CASZ1: variants seen among roughly 807,000 people sequenced by gnomAD.
CASZ1 encodes zinc finger protein castor homolog 1.
In CASZ1, 28 loss-of-function variants were observed where a neutral mutation model predicts 135.2. The observed-to-expected ratio is 0.21, with a 90% CI of 0.15 to 0.28. The LOEUF (loss-of-function observed/expected upper bound fraction) is 0.28, where lower values mean the gene tolerates loss of function less well. Among genes scored for constraint, CASZ1 ranks in the 10% least tolerant of loss-of-function variants. The pLI is 1.00. For missense variants in CASZ1, 2,161 were observed against 2,453.3 expected (o/e 0.88, Z 2.52); for synonymous variants, 1,068 against 1,073.4 (o/e 0.99, Z 0.10).
chr1:10,749,472 C>T (rs888723468), intron 2 of CASZ1, among the ~76,000 whole-genome samples: 1 of 152,172 alleles, frequency 6.6e-6, no homozygotes, highest in Admixed American at 6.5e-5. Flanking sequence ...TGGTCTCGAT[C>T]TCCTGATCTT....
At chr1:10,648,269 A>G (rs1642439335) in intron 15 of CASZ1, 130 bp from the exon 16 acceptor site, 1 of 681,358 alleles carries the variant, frequency 1.5e-6, no homozygotes, top group South Asian at 2.0e-5. Context: ...CAGCTCCAGA[A>G]GTCCCCTGTG....
chr1:10,736,292 C>T (rs565254496), intron 2 of CASZ1, among the ~76,000 whole-genome samples: 48 of 152,328 alleles, frequency 3.2e-4, no homozygotes, highest in African/African-American at 1.1e-3. Context: ...AGAACACACA[C>T]GTAACTCTGG....
intron 1 of CASZ1, among the ~76,000 whole-genome samples, chr1:10,784,615 G>A (rs975687006): frequency 1.3e-5 from 2 of 152,110 alleles, no homozygotes; most frequent in African/African-American, 2.4e-5. Context: ...CCAGGCTGGA[G>A]TGCAGTGGTA....
In CASZ1 at chr1:10,739,102, G is replaced by A. The variant is rs912456940; in HGVS notation, c.-77+21599C>T. On this transcript the variant is annotated intron_variant, in intron 2 of 20. Coordinates refer to ENST00000377022, the MANE Select transcript of CASZ1 (RefSeq NM_001079843.3). This position sits in a 1 kb window ranked among gnomAD's most constrained non-coding sequence, Gnocchi z 4.8. ...TTAAAATTTTGCTGGGGGTCCGGGG[G>A]AAGAAGGAAAAAAAGCAACAACAAT... Among the ~76,000 whole-genome samples the A allele has an allele frequency of 6.6e-6, 1 of 151,842 alleles. No homozygotes were observed. Among genetic ancestry groups the A allele is most frequent in the Non-Finnish European group, 1.5e-5 (1 of 67,962 alleles).
rs969436337 is a variant in CASZ1 at position 10,636,893 on chromosome 1, CAT to C, written c.*2047_*2048del. 38 of 151,968 alleles carry C rather than the reference CAT, an allele frequency of 2.5e-4. No individual in the cohort carries two copies. Among genetic ancestry groups the C allele is most frequent in the African/African-American group, 8.7e-4 (36 of 41,414 alleles). 9.4% of individuals were successfully genotyped at this position (151,968 alleles called of 1,614,324 possible). A position where few individuals can be genotyped will look rare whatever the true frequency, so the allele number is the denominator to read the frequency against. On this transcript the variant is annotated 3_prime_UTR_variant, in exon 21 of 21. Coordinates refer to ENST00000377022, the MANE Select transcript of CASZ1 (RefSeq NM_001079843.3). ...ATATACATATAGATATATACACACA[CAT>C]ATGTGCATACATATTATTTGATATT...
In CASZ1 at chr1:10,707,127, A is replaced by T. The variant is rs1190795683; in HGVS notation, c.-76-1583T>A. Among the ~76,000 whole-genome samples the T allele has an allele frequency of 1.3e-5, 2 of 151,836 alleles. No individual in the cohort carries two copies. The highest frequency in any genetic ancestry group is 4.8e-5 in the African/African-American group (2 of 41,304). On this transcript the variant is annotated intron_variant, in intron 2 of 20. Coordinates refer to ENST00000377022, the MANE Select transcript of CASZ1 (RefSeq NM_001079843.3). The surrounding 1 kb of genome is among the most constrained non-coding windows in gnomAD (Gnocchi z 5.0). ...ATCTTCACTGTCCCGTCCGTCCCAC[A>T]CACTCCTGTCTGAGATCTCTCAAGG...
In CASZ1 at chr1:10,640,095, A is replaced by G. The variant is rs777674412; in HGVS notation, c.4163-36T>C. 5 of 1,572,328 alleles carry G rather than the reference A, an allele frequency of 3.2e-6. No individual in the cohort carries two copies. The South Asian group carries it at 4.6e-5, about 14-fold the overall frequency. ...GCAGGGAGGTCAGTGCAGAAGAGGGACCCACGTGGGCACCATCAACAGGGT... is the reference window on the plus strand; with the variant it reads ...GCAGGGAGGTCAGTGCAGAAGAGGGGCCCACGTGGGCACCATCAACAGGGT... On this transcript the variant is annotated intron_variant, in intron 20 of 20. Coordinates refer to ENST00000377022, the MANE Select transcript of CASZ1 (RefSeq NM_001079843.3).
At chr1:10,650,416 G>A (rs1054185088) in intron 13 of CASZ1, 6 of 314,260 alleles carry the variant, frequency 1.9e-5, no homozygotes, top group African/African-American at 1.3e-4. Flanking sequence ...CACGAACGAA[G>A]TTGAAGGGCT....
rs557151808 is a variant in CASZ1, at chr1:10,753,995, C to G, written c.-77+6706G>C. 2.0e-5 allele frequency among the ~76,000 whole-genome samples: 3 copies of G among 152,270 alleles called. No individual in the cohort carries two copies. The East Asian group carries it at 5.8e-4, about 29-fold the overall frequency. On this transcript the variant is annotated intron_variant, in intron 2 of 20. Transcript: ENST00000377022. ...CCCCCTCGACTTCAGATGGCATCTG[C>G]CCCTCACTCTGCTCTAGCCACGCTG...
rs1385551563 is a variant in CASZ1 at position 10,694,813 on chromosome 1, G to A, written c.-23-901C>T. Among the ~76,000 whole-genome samples, 2 of 145,240 alleles carry A rather than the reference G, an allele frequency of 1.4e-5. No individual in the cohort carries two copies. The highest frequency in any genetic ancestry group is 3.1e-5 in the Non-Finnish European group (2 of 65,416). Reference sequence around the variant, plus strand: ...GCGGGGACTTGCGCTCAGGGCTGGCGGGAGGGGACCCGGCGCGGGGCGGGG... The same window carrying A: ...GCGGGGACTTGCGCTCAGGGCTGGCAGGAGGGGACCCGGCGCGGGGCGGGG... On this transcript the variant is annotated intron_variant, in intron 3 of 20. Coordinates refer to ENST00000377022, the MANE Select transcript of CASZ1 (RefSeq NM_001079843.3). The surrounding 1 kb of genome is among the most constrained non-coding windows in gnomAD (Gnocchi z 6.6).
At chr1:10,732,637 G>A (rs1289789932) in intron 2 of CASZ1, among the ~76,000 whole-genome samples, 1 of 152,178 alleles carries the variant, frequency 6.6e-6, no homozygotes, top group Non-Finnish European at 1.5e-5. Context: ...GGTGACCCTG[G>A]GATGCAGAGG....
Position 10,716,558 on chromosome 1 carries a change from C to A in CASZ1, c.-76-11014G>T, listed in dbSNP as rs147989794. Among the ~76,000 whole-genome samples, 1,249 of 152,308 alleles carry A rather than the reference C, an allele frequency of 8.2e-3. 9 individuals are homozygous for A. Among genetic ancestry groups the A allele is most frequent in the Non-Finnish European group, 0.01 (699 of 68,030 alleles). ...CCCTGTGCTGAGCGTAAAGCCAGACCCAAGGGAAGGGGCTCCCCAAGCGAG... is the reference window on the plus strand; with the variant it reads ...CCCTGTGCTGAGCGTAAAGCCAGACACAAGGGAAGGGGCTCCCCAAGCGAG... On this transcript the variant is annotated intron_variant, in intron 2 of 20. Coordinates refer to ENST00000377022, the MANE Select transcript of CASZ1 (RefSeq NM_001079843.3).
At position 10,660,131 on chromosome 1, in the gene CASZ1, T is replaced by C; in HGVS notation, c.911A>G (p.Asn304Ser). Residue 304 changes from asparagine to serine, a missense_variant, in exon 6 of 21, where the codon AAC becomes AGC. By Grantham distance (46) the Asn-to-Ser change is conservative (BLOSUM62 1). Coordinates refer to ENST00000377022, the MANE Select transcript of CASZ1 (RefSeq NM_001079843.3). ...LPSHSSVQMQ[N>S]LVARASKYDF... ...GTACTTGGAGGCCCGGGCTACCAGG[T>C]TCTGCATCTGGACACTGCTGTGCGA... is the stretch of plus-strand genomic sequence containing the variant. 6.2e-7 allele frequency: 1 copy of C among 1,614,098 alleles called. No homozygotes were observed. The highest frequency in any genetic ancestry group is 8.5e-7 in the Non-Finnish European group (1 of 1,179,996).
Position 10,659,903 on chromosome 1 carries a change from C to T in CASZ1, c.1139G>A (p.Gly380Asp). ...VGRPSKYDVR[G>D]IQKPGPAKVP... ...CTTGGCGGGGCCTGGCTTCTGGATG[C>T]CCCGGACGTCGTACTTGGAAGGGCG... Residue 380 changes from glycine to aspartate, a missense_variant, in exon 6 of 21, where the codon GGC becomes GAC. Gly to Asp is a moderately conservative substitution (Grantham distance 94). Coordinates refer to ENST00000377022, the MANE Select transcript of CASZ1 (RefSeq NM_001079843.3). The T allele has an allele frequency of 1.2e-6, 2 of 1,611,298 alleles. No homozygotes were observed. Among genetic ancestry groups the T allele is most frequent in the South Asian group, 1.1e-5 (1 of 90,946 alleles).
Position 10,697,240 on chromosome 1 carries a change from C to T in CASZ1, c.-23-3328G>A, listed in dbSNP as rs923700978. Among the ~76,000 whole-genome samples the T allele has an allele frequency of 3.5e-5, 5 of 143,654 alleles. No homozygotes were observed. Among genetic ancestry groups the T allele is most frequent in the East Asian group, 1.9e-4 (1 of 5,166 alleles). The allele number at this position is 143,654 out of a possible 152,430, so 94.2% of individuals were successfully genotyped here. ...GTCATGGAGGGGCCCCCAGATTATGCGCCCCCCCCTTCTCTCTCTTTCTCT... is the reference window on the plus strand; with the variant it reads ...GTCATGGAGGGGCCCCCAGATTATGTGCCCCCCCCTTCTCTCTCTTTCTCT... On this transcript the variant is annotated intron_variant, in intron 3 of 20. Coordinates refer to ENST00000377022, the MANE Select transcript of CASZ1 (RefSeq NM_001079843.3). This position sits in a 1 kb window ranked among gnomAD's most constrained non-coding sequence, Gnocchi z 4.7.
chr1:10,690,574 C>A (rs189648917), intron 4 of CASZ1, among the ~76,000 whole-genome samples: 2 of 152,170 alleles, frequency 1.3e-5, no homozygotes, highest in Non-Finnish European at 2.9e-5. Flanking sequence ...TGGCCTGGAG[C>A]CCCAGAAGGA....
chr1:10,673,933 C>G (rs1643485274), intron 4 of CASZ1, among the ~76,000 whole-genome samples: 1 of 152,228 alleles, frequency 6.6e-6, no homozygotes, highest in South Asian at 2.1e-4. Context: ...TAACCCCAAC[C>G]AGGGCTAGCC....
At chr1:10,770,145 C>T (rs994702978) in intron 1 of CASZ1, among the ~76,000 whole-genome samples, 1 of 151,962 alleles carries the variant, frequency 6.6e-6, no homozygotes, top group Non-Finnish European at 1.5e-5. Flanking sequence ...AGTGCAATGG[C>T]ACGATCTCGG....
intron 2 of CASZ1, among the ~76,000 whole-genome samples, chr1:10,738,661 G>C (rs533056572): frequency 6.6e-6 from 1 of 152,236 alleles, no homozygotes; most frequent in Non-Finnish European, 1.5e-5. Context: ...TTTGCAGGGA[G>C]GACACAAAGG....
Sources: gnomAD v4.1 joint callset for allele counts (sites outside exome capture counted in the v4.1 genomes callset) on GRCh38, gnomAD v4.1.1 for gene constraint, Gnocchi (gnomAD v3.1) non-coding constraint, MANE v1.5 for transcripts, NCBI Gene and HGNC (gene_info 2026-07-23, HGNC 2026-07-21) for gene names.